Variants in GLYATL3 observed in about 807,000 individuals in gnomAD.
GLYATL3 encodes the protein glycine-N-acyltransferase like 3.
Under a neutral mutation model 28.5 loss-of-function variants are expected in GLYATL3, and 31 were observed. That is an observed-to-expected ratio of 1.09 (90% confidence interval 0.82 to 1.47). The LOEUF (loss-of-function observed/expected upper bound fraction) is 1.47. Ranked by LOEUF, GLYATL3 falls within the 40% of genes most tolerant of loss-of-function variation. GLYATL3 has a pLI of 0.00. For synonymous variants in GLYATL3, 141 were observed against 140.2 expected (o/e 1.01, Z -0.04); for missense variants, 369 against 351.5 (o/e 1.05, Z -0.40).
At chr6:49,501,902 A>G (rs552284795) in intron 1 of GLYATL3, among the ~76,000 whole-genome samples, 14 of 152,130 alleles carry the variant, frequency 9.2e-5, no homozygotes, top group Non-Finnish European at 1.6e-4. Context: ...AGCTATGAAC[A>G]TCTGCTTTTC....
rs187368843 is a variant in GLYATL3, at chr6:49,501,450, G to A, written c.-29+1408G>A. 4.6e-5 allele frequency among the ~76,000 whole-genome samples: 7 copies of A among 152,274 alleles called. No homozygotes were observed. The East Asian group carries it at 7.7e-4, about 17-fold the overall frequency. ...TATTATTAAGTTTAGTGAGGGCAGC[G>A]GTAGGTTAGTGAGGGATTTAGGGTC... On this transcript the variant is annotated intron_variant, in intron 1 of 5. Coordinates refer to ENST00000371197, the MANE Select transcript of GLYATL3 (RefSeq NM_001010904.2).
At chr6:49,525,774 C>T (rs1325464639) in intron 5 of GLYATL3, among the ~76,000 whole-genome samples, 2 of 151,892 alleles carry the variant, frequency 1.3e-5, no homozygotes, top group Non-Finnish European at 2.9e-5. Context: ...CACTTACCTG[C>T]CTGTGATTGA....
intron 1 of GLYATL3, among the ~76,000 whole-genome samples, chr6:49,508,612 C>CTTTTCTGGGATAGGAATGAA (rs1769059080): frequency 6.6e-6 from 1 of 152,176 alleles, no homozygotes; most frequent in Admixed American, 6.5e-5. Context: ...TTTCCCAGAG[C>CTTTTCTGGGATAGGAATGAA]TATGAATATC....
intron 2 of GLYATL3, among the ~76,000 whole-genome samples, chr6:49,514,561 T>C (rs1345956488): frequency 6.6e-6 from 1 of 152,244 alleles, no homozygotes; most frequent in Admixed American, 6.5e-5. Flanking sequence ...CTGCATATGG[T>C]GGCTCATGCC....
chr6:49,509,744 A>C (rs1019129422), intron 1 of GLYATL3, among the ~76,000 whole-genome samples: 75 of 152,182 alleles, frequency 4.9e-4, no homozygotes, highest in African/African-American at 1.6e-3. Flanking sequence ...ATTACAAATA[A>C]ATTTTAGCAA....
chr6:49,526,338 G>A (rs1769411406), intron 5 of GLYATL3, 150 bp from the exon 6 acceptor site: 3 of 619,102 alleles, frequency 4.8e-6, no homozygotes, highest in Admixed American at 3.1e-5. Flanking sequence ...GCTTGAACCC[G>A]GGAGGCAGAG....
intron 4 of GLYATL3, among the ~76,000 whole-genome samples, chr6:49,517,845 T>C (rs1016926030): frequency 1.3e-5 from 2 of 152,218 alleles, no homozygotes; most frequent in Admixed American, 1.3e-4. Context: ...ATTACTGTAA[T>C]ATGGATGGAT....
At chr6:49,512,644 T>C (rs1056472721) in intron 2 of GLYATL3, among the ~76,000 whole-genome samples, 2 of 152,218 alleles carry the variant, frequency 1.3e-5, no homozygotes, top group African/African-American at 4.8e-5. Flanking sequence ...GTTTAGATCT[T>C]GTTATAAATG....
intron 5 of GLYATL3, among the ~76,000 whole-genome samples, chr6:49,525,093 A>ATTTTTTTTTTTTTTTT (rs10630585): frequency 1.4e-5 from 2 of 141,354 alleles, no homozygotes; most frequent in Non-Finnish European, 3.0e-5. Flanking sequence ...ATTCTAAAAC[A>ATTTTTTTTTTTTTTTT]TTTTTTTTTT....
chr6:49,517,051 G>C (rs1227016521), intron 3 of GLYATL3, among the ~76,000 whole-genome samples: 1 of 150,390 alleles, frequency 6.6e-6, no homozygotes, highest in African/African-American at 2.4e-5. Context: ...AGCTACTTAG[G>C]AGGCTGAAGC....
At chr6:49,517,358 A>G in intron 3 of GLYATL3, 72 bp from the exon 4 acceptor site, 1 of 1,325,232 alleles carries the variant, frequency 7.5e-7, no homozygotes, top group South Asian at 1.7e-5. Context: ...AGCTAACGGT[A>G]TCTAATCTAC....
In GLYATL3 at chr6:49,525,781, T is replaced by C. The variant is rs111785979; in HGVS notation, c.441-707T>C. 5.9e-3 allele frequency among the ~76,000 whole-genome samples: 895 copies of C among 152,180 alleles called. 6 individuals carry two copies. The highest frequency in any genetic ancestry group is 0.019 in the African/African-American group (781 of 41,512). On this transcript the variant is annotated intron_variant, in intron 5 of 5. Coordinates refer to ENST00000371197, the MANE Select transcript of GLYATL3 (RefSeq NM_001010904.2). ...GGTCTGCTCACTTACCTGCCTGTGA[T>C]TGACTTGTATAACAAACTCAGCTGT... is the stretch of plus-strand genomic sequence containing the variant.
intron 2 of GLYATL3, among the ~76,000 whole-genome samples, 175 bp downstream of exon 2, chr6:49,512,243 A>G (rs1769134395): frequency 1.3e-5 from 2 of 150,130 alleles, no homozygotes; most frequent in Admixed American, 1.3e-4. Context: ...GACTGTGGAT[A>G]AGGCCCAGGG....
Position 49,517,494 on chromosome 6 carries a change from C to T in GLYATL3, c.251C>T (p.Ala84Val), listed in dbSNP as rs1309084325. The change falls in exon 4 of 6, where the codon GCT becomes GTT. Residue 84 changes from alanine (A) to valine (V), a missense_variant. Physicochemically the swap from Ala to Val is moderately conservative, Grantham distance 64. Coordinates refer to ENST00000371197, the MANE Select transcript of GLYATL3 (RefSeq NM_001010904.2). ...AYAVFYKDVR[A>V]YRQLLEECDV... is the part of the protein sequence containing the mutation. ...GCTGTGTTCTACAAGGATGTCAGGGCTTATCGACAGCTATTGGAAGAATGT... is the reference window on the plus strand; with the variant it reads ...GCTGTGTTCTACAAGGATGTCAGGGTTTATCGACAGCTATTGGAAGAATGT... 2 of 1,550,134 alleles carry T rather than the reference C, an allele frequency of 1.3e-6. No homozygotes were observed. Among genetic ancestry groups the T allele is most frequent in the African/African-American group, 2.7e-5 (2 of 72,988 alleles).
chr6:49,522,361 TTCAAAACACTC>T (rs763252713), intron 5 of GLYATL3, among the ~76,000 whole-genome samples: 2 of 46,776 alleles, frequency 4.3e-5, no homozygotes, highest in East Asian at 2.4e-3. Context: ...GATGCAATCT[TTCAAAACACTC>T]ATTAGTTTGT....
intron 3 of GLYATL3, among the ~76,000 whole-genome samples, chr6:49,516,559 GTGAATCCACTGAGT>G (rs1581870349): frequency 6.6e-6 from 1 of 152,126 alleles, no homozygotes; most frequent in East Asian, 1.9e-4. Context: ...ATTCTTGGAG[GTGAATCCACTGAGT>G]TATATACCCT....
rs1769350719 is a variant in GLYATL3 at position 49,523,470 on chromosome 6, A to G, written c.440+1699A>G. Among the ~76,000 whole-genome samples the G allele has an allele frequency of 3.3e-5, 5 of 152,208 alleles. No homozygotes were observed. The South Asian group carries it at 6.2e-4, about 19-fold the overall frequency. ...TCCTAGACTCGCAGAAGGAAAGCCAATGTTCAGCAAAACCCACACTGTTTG... is the reference window on the plus strand; with the variant it reads ...TCCTAGACTCGCAGAAGGAAAGCCAGTGTTCAGCAAAACCCACACTGTTTG... On this transcript the variant is annotated intron_variant, in intron 5 of 5. Transcript: ENST00000371197.
At chr6:49,502,117 C>G (rs1433728902) in intron 1 of GLYATL3, among the ~76,000 whole-genome samples, 1 of 152,166 alleles carries the variant, frequency 6.6e-6, no homozygotes, top group Non-Finnish European at 1.5e-5. Flanking sequence ...TTCAGGGGGT[C>G]TCCCTACATC....
chr6:49,505,011 A>G (rs552039752), intron 1 of GLYATL3, among the ~76,000 whole-genome samples: 2 of 152,354 alleles, frequency 1.3e-5, no homozygotes, highest in African/African-American at 4.8e-5. Flanking sequence ...TGGTTAAGAC[A>G]AGAACCTGAC....
Sources: gnomAD v4.1 joint callset for allele counts (sites outside exome capture counted in the v4.1 genomes callset) on GRCh38, gnomAD v4.1.1 for gene constraint, MANE v1.5 for transcripts, NCBI Gene and HGNC (gene_info 2026-07-23, HGNC 2026-07-21) for gene names.